Variants in ATAD2B observed in about 807,000 individuals in gnomAD.
ATAD2B encodes the protein ATPase family AAA domain containing 2B, also known as ATPase family AAA domain-containing protein 2B.
In ATAD2B, 40 loss-of-function variants were observed where a neutral mutation model predicts 167.6. That is an observed-to-expected ratio of 0.24 (90% CI 0.19 to 0.31). The LOEUF is 0.31. Ranked by LOEUF, ATAD2B falls within the 10% of genes least tolerant of loss-of-function variation. ATAD2B has a pLI of 1.00. For missense variants in ATAD2B, 1,242 were observed against 1,757.2 expected (o/e 0.71, Z 5.24); for synonymous variants, 579 against 596.5 (o/e 0.97, Z 0.43).
chr2:23,710,771 A>C, the ATAD2B span, among the ~76,000 whole-genome samples: 3 of 152,358 alleles, frequency 2.0e-5, no homozygotes, highest in Non-Finnish European at 1.5e-5. Flanking sequence ...ATTAGGTATT[A>C]TAAGTAATCT....
the ATAD2B span, chr2:23,691,580 C>A: frequency 9.5e-7 from 1 of 1,052,998 alleles, no homozygotes; most frequent in Non-Finnish European, 1.4e-6. Context: ...AAACCAAGGG[C>A]ATGACCAAGG....
chr2:23,678,309 A>G, the ATAD2B span, among the ~76,000 whole-genome samples: 2 of 152,132 alleles, frequency 1.3e-5, no homozygotes, highest in Admixed American at 6.5e-5. Context: ...CTTAGAACCA[A>G]TGGGGTTTGA....
rs1419581812 is a variant in ATAD2B, at chr2:23,751,131, CTATT to C, written c.*911_*914del. On this transcript the variant is annotated 3_prime_UTR_variant, in exon 28 of 28. Coordinates refer to ENST00000238789, the MANE Select transcript of ATAD2B (RefSeq NM_017552.4). ...TGACAGAAGAAAAAATGGCCACTATCTATTTATTTTCTAGTCATCATTGTTGGCA... is the reference window on the plus strand; with the variant it reads ...TGACAGAAGAAAAAATGGCCACTATCTATTTTCTAGTCATCATTGTTGGCA... The C allele has an allele frequency of 5.9e-5, 9 of 152,204 alleles. No homozygotes were observed. The South Asian group carries it at 1.2e-3, about 21-fold the overall frequency. The allele number at this position is 152,204 out of a possible 1,614,324, so 9.4% of individuals were successfully genotyped here.
the ATAD2B span, among the ~76,000 whole-genome samples, chr2:23,740,562 A>C: frequency 6.6e-6 from 1 of 152,102 alleles, no homozygotes; most frequent in East Asian, 1.9e-4. Context: ...CAAAATAATA[A>C]GAGCTATCTA....
At chr2:23,785,946 T>C in intron 21 of ATAD2B, 81 bp downstream of exon 21, 1 of 1,321,746 alleles carries the variant, frequency 7.6e-7, no homozygotes, top group Non-Finnish European at 1.0e-6. Flanking sequence ...CTTTGCTTTT[T>C]TTTCCTTCCA....
At chr2:23,723,229 A>C in the ATAD2B span, among the ~76,000 whole-genome samples, 7 of 151,998 alleles carry the variant, frequency 4.6e-5, no homozygotes, top group Non-Finnish European at 7.4e-5. Context: ...GGAAGTCGAG[A>C]CTGTGGTGAG....
Position 23,798,163 on chromosome 2 carries a change from GT to G in ATAD2B, c.2614del (p.Thr872ProfsTer39). ...SPIFLLSTSETMYSELPEEVK... is the reference protein window; with the variant it reads ...SPIFLLSTSEXMYSELPEEVK... ...CTCTTCAGGCAGTTCACTGTACATG[GT>G]TTCAGAGGTAGACAATAAAAATATA... On this transcript the variant is annotated frameshift_variant, in exon 19 of 28. Transcript: ENST00000238789. LOFTEE classifies it high-confidence loss of function. 6.3e-7 allele frequency: 1 copy of G among 1,588,846 alleles called. No individual in the cohort carries two copies. Among genetic ancestry groups the G allele is most frequent in the Admixed American group, 1.7e-5 (1 of 58,140 alleles).
At chr2:23,847,380 C>G (rs950999519) in intron 13 of ATAD2B, among the ~76,000 whole-genome samples, 1 of 152,072 alleles carries the variant, frequency 6.6e-6, no homozygotes, top group Non-Finnish European at 1.5e-5. Context: ...TGGTACACAC[C>G]TGTAGCTCCA....
At chr2:23,789,442 A>G (rs1321183978) in intron 19 of ATAD2B, among the ~76,000 whole-genome samples, 1 of 152,052 alleles carries the variant, frequency 6.6e-6, no homozygotes, top group East Asian at 1.9e-4. Context: ...TTATTCACCT[A>G]TTTTTCTATA....
chr2:23,878,136 G>A (rs1048834724), intron 7 of ATAD2B, among the ~76,000 whole-genome samples: 1 of 151,598 alleles, frequency 6.6e-6, no homozygotes, highest in African/African-American at 2.4e-5. Context: ...CAACATGTGT[G>A]GATCACCTAA....
At chr2:23,763,740 C>T (rs771451916) in intron 23 of ATAD2B, among the ~76,000 whole-genome samples, 15 of 152,108 alleles carry the variant, frequency 9.9e-5, no homozygotes, top group Admixed American at 4.6e-4. Context: ...CAAGTGTACA[C>T]CACCACGCCT....
In ATAD2B at chr2:23,784,078, A is replaced by G. The variant is rs530142550; in HGVS notation, c.2974-1050T>C. Among the ~76,000 whole-genome samples, 6 of 152,216 alleles carry G rather than the reference A, an allele frequency of 3.9e-5. No individual in the cohort carries two copies. The South Asian group carries it at 1.2e-3, about 31-fold the overall frequency. On this transcript the variant is annotated intron_variant, in intron 21 of 27. Coordinates refer to ENST00000238789, the MANE Select transcript of ATAD2B (RefSeq NM_017552.4). ...AATCTCCCTATAAGGGAGGTAGCAGAGTTATACTGAAACAAACTACCTCAG... is the reference window on the plus strand; with the variant it reads ...AATCTCCCTATAAGGGAGGTAGCAGGGTTATACTGAAACAAACTACCTCAG...
At chr2:23,717,606 G>A in the ATAD2B span, among the ~76,000 whole-genome samples, 1 of 152,132 alleles carries the variant, frequency 6.6e-6, no homozygotes, top group East Asian at 1.9e-4. Context: ...TGAAATCCAG[G>A]CTTCCTTCTA....
chr2:23,688,570 C>A, the ATAD2B span, among the ~76,000 whole-genome samples: 2 of 152,120 alleles, frequency 1.3e-5, no homozygotes, highest in African/African-American at 4.8e-5. Flanking sequence ...GCAGAGGCTG[C>A]GTCCCGGACT....
At chr2:23,922,352 G>A (rs1704059203) in intron 1 of ATAD2B, among the ~76,000 whole-genome samples, 2 of 152,074 alleles carry the variant, frequency 1.3e-5, no homozygotes, top group Admixed American at 1.3e-4. Context: ...GATCTAAAAG[G>A]GGTCAAGCTT....
chr2:23,713,654 G>T, the ATAD2B span, among the ~76,000 whole-genome samples: 7 of 151,946 alleles, frequency 4.6e-5, no homozygotes, highest in African/African-American at 1.5e-4. Flanking sequence ...TCATAAAAAT[G>T]GAATCATACA....
At chr2:23,744,900 T>A (rs1572600425), downstream of ATAD2B, among the ~76,000 whole-genome samples, 1 of 152,306 alleles carries the variant, frequency 6.6e-6, no homozygotes, top group South Asian at 2.1e-4. Context: ...AAAACAAGTA[T>A]GACAAATTGT....
chr2:23,920,513 A>C (rs1703751708), intron 1 of ATAD2B, among the ~76,000 whole-genome samples: 1 of 152,212 alleles, frequency 6.6e-6, no homozygotes, highest in Non-Finnish European at 1.5e-5. Context: ...CATTCATTTA[A>C]CAGATATTTA....
intron 25 of ATAD2B, 140 bp from the exon 26 acceptor site, chr2:23,754,914 A>G: frequency 1.2e-6 from 1 of 821,116 alleles, no homozygotes; most frequent in Non-Finnish European, 1.8e-6. Flanking sequence ...TTTTTTTTAA[A>G]GCAACCCAAT....
Sources: allele counts gnomAD v4.1 joint callset (sites outside exome capture counted in the v4.1 genomes callset), GRCh38; gene constraint gnomAD v4.1.1; transcripts MANE v1.5; gene names NCBI Gene and HGNC (gene_info 2026-07-23, HGNC 2026-07-21).